Variants in JAK2 observed in about 807,000 individuals in gnomAD.
JAK2 encodes the protein Janus kinase 2.
Under a neutral mutation model 139.3 loss-of-function variants are expected in JAK2, and 86 were observed. That is an observed-to-expected ratio of 0.62 (90% CI 0.52 to 0.74). The LOEUF (loss-of-function observed/expected upper bound fraction) is 0.74. JAK2 is among the 30% of genes least tolerant of loss of function. The pLI, the probability that JAK2 is intolerant of heterozygous loss-of-function variation, is 0.00. For missense variants in JAK2, 1,421 were observed against 1,360.3 expected, an observed-to-expected ratio of 1.04 and a Z score of -0.70; for synonymous variants, 490 against 437.7, an observed-to-expected ratio of 1.12 and a Z score of -1.49.
At chr9:5,073,645 T>C in intron 13 of JAK2, 53 bp from the exon 14 acceptor site, 2 of 1,318,176 alleles carry the variant, frequency 1.5e-6, no homozygotes, top group Non-Finnish European at 2.2e-6. Context: ...TTTTCTGAAC[T>C]ATTTATGGAC....
chr9:5,119,443 T>C (rs1046691461), intron 22 of JAK2, among the ~76,000 whole-genome samples: 6 of 152,006 alleles, frequency 3.9e-5, no homozygotes, highest in African/African-American at 1.4e-4. Flanking sequence ...AAAAAAAGGC[T>C]TCAAATTATA....
At chr9:5,126,649 G>A (rs758859180) in intron 24 of JAK2, 35 bp from the exon 25 acceptor site, 1 of 1,431,616 alleles carries the variant, frequency 7.0e-7, no homozygotes, top group South Asian at 1.2e-5. Flanking sequence ...GGCCCTTAGT[G>A]TTCATTTAAT....
intron 2 of JAK2, among the ~76,000 whole-genome samples, chr9:4,989,762 A>G (rs1276511297): frequency 1.3e-5 from 2 of 152,178 alleles, no homozygotes; most frequent in African/African-American, 4.8e-5. Context: ...AAATATGTAT[A>G]TATGTATGAT....
chr9:5,060,661 T>C (rs1818105152), intron 8 of JAK2, among the ~76,000 whole-genome samples: 1 of 152,328 alleles, frequency 6.6e-6, no homozygotes. Flanking sequence ...ACTTCCTCCA[T>C]TGAAGTCGTG....
In JAK2 at chr9:5,053,739, G is replaced by A. The variant is rs144692134; in HGVS notation, c.615-824G>A. Among the ~76,000 whole-genome samples the A allele has an allele frequency of 5.5e-4, 83 of 151,952 alleles. 2 individuals are homozygous for A. The East Asian group carries it at 0.011, about 19-fold the overall frequency. Reference sequence around the variant, plus strand: ...GATTAAGAGATTTTACATTTTATACGGGACGGACATTAATTTAGCAAGTCC... The same window carrying A: ...GATTAAGAGATTTTACATTTTATACAGGACGGACATTAATTTAGCAAGTCC... On this transcript the variant is annotated intron_variant, in intron 6 of 24. Coordinates refer to ENST00000381652, the MANE Select transcript of JAK2 (RefSeq NM_004972.4).
intron 5 of JAK2, 120 bp downstream of exon 5, chr9:5,044,640 A>C: frequency 1.8e-6 from 1 of 556,688 alleles, no homozygotes; most frequent in Non-Finnish European, 3.1e-6. Context: ...CTTGCACAGC[A>C]GGTGCAGAGA....
At chr9:4,996,486 A>G (rs1820568806) in intron 2 of JAK2, among the ~76,000 whole-genome samples, 1 of 152,024 alleles carries the variant, frequency 6.6e-6, no homozygotes, top group Non-Finnish European at 1.5e-5. Flanking sequence ...ATAAATACAT[A>G]AATAGAAGTA....
At chr9:5,093,740 A>G (rs932142147) in intron 22 of JAK2, among the ~76,000 whole-genome samples, 2 of 152,194 alleles carry the variant, frequency 1.3e-5, no homozygotes, top group Non-Finnish European at 2.9e-5. Flanking sequence ...TAGGGATAAC[A>G]GTGCAATCCT....
chr9:5,055,748 G>C lies in JAK2; in HGVS notation c.1016G>C (p.Ser339Thr), dbSNP rs1306690752. The C allele has an allele frequency of 3.1e-6, 5 of 1,610,790 alleles. No individual in the cohort carries two copies. The highest frequency in any genetic ancestry group is 4.2e-6 in the Non-Finnish European group (5 of 1,177,818). Residue 339 changes from serine (S) to threonine (T), a missense_variant, in exon 8 of 25, where the codon AGC becomes ACC. Ser to Thr is a moderately conservative substitution (Grantham distance 58). Transcript: ENST00000381652. ...GCAAACCAAGAGGGTTCAAATGAAAGCCGAGTTGTAACTATCCATAAGCAA... is the reference window on the plus strand; with the variant it reads ...GCAAACCAAGAGGGTTCAAATGAAACCCGAGTTGTAACTATCCATAAGCAA... ...KQANQEGSNE[S>T]RVVTIHKQDG...
intron 22 of JAK2, among the ~76,000 whole-genome samples, chr9:5,095,903 C>G (rs1465625271): frequency 6.6e-6 from 1 of 152,170 alleles, no homozygotes; most frequent in African/African-American, 2.4e-5. Flanking sequence ...AGCACTACAA[C>G]CCTGTCACTG....
chr9:5,110,861 G>C, intron 22 of JAK2: 1 of 489,992 alleles, frequency 2.0e-6, no homozygotes, highest in Non-Finnish European at 3.9e-6. Context: ...GCTTCATGCC[G>C]CCGCGCCCAG....
At chr9:5,042,591 CAGGGCTGA>C (rs1816673993) in intron 4 of JAK2, among the ~76,000 whole-genome samples, 1 of 152,154 alleles carries the variant, frequency 6.6e-6, no homozygotes, top group African/African-American at 2.4e-5. Flanking sequence ...TGGAGGCCCC[CAGGGCTGA>C]GGCCCAGCCA....
At chr9:5,018,568 G>T (rs543883135) in intron 2 of JAK2, among the ~76,000 whole-genome samples, 1 of 152,096 alleles carries the variant, frequency 6.6e-6, no homozygotes, top group South Asian at 2.1e-4. Context: ...TGAACTCCTG[G>T]GCTCAAGCAG....
intron 22 of JAK2, among the ~76,000 whole-genome samples, chr9:5,101,818 TAGAA>T (rs1821513468): frequency 2.0e-5 from 3 of 152,228 alleles, no homozygotes; most frequent in East Asian, 3.9e-4. Flanking sequence ...ACCTGACTGT[TAGAA>T]AGAAAACTAA....
intron 22 of JAK2, among the ~76,000 whole-genome samples, chr9:5,106,257 C>G (rs1187496701): frequency 6.6e-6 from 1 of 152,206 alleles, no homozygotes; most frequent in Non-Finnish European, 1.5e-5. Context: ...AGACACTTCT[C>G]AAAAGAAGGC....
At chr9:4,984,533 A>T (rs1290221497), upstream of JAK2, 2 of 152,294 alleles carry the variant, frequency 1.3e-5, no homozygotes, top group Non-Finnish European at 2.9e-5. Context: ...GGCTGATGGG[A>T]GTCAGGCTCT....
At position 5,127,886 on chromosome 9, in the gene JAK2, G is replaced by GTAAA. The variant is rs1824100868; in HGVS notation, c.*1099_*1102dup. ...ATTTCCTTTTTAGAGGGGAAATGAG[G>GTAAA]TAAATAAGTAAAAAAGTATGCTTGT... On this transcript the variant is annotated 3_prime_UTR_variant, in exon 25 of 25. Coordinates refer to ENST00000381652, the MANE Select transcript of JAK2 (RefSeq NM_004972.4). The GTAAA allele has an allele frequency of 4.3e-6, 1 of 232,316 alleles. No homozygotes were observed. The highest frequency in any genetic ancestry group is 6.0e-5 in the East Asian group (1 of 16,580). 14.4% of individuals were successfully genotyped at this position (232,316 alleles called of 1,614,324 possible).
At chr9:5,082,264 G>C (rs190968468) in intron 19 of JAK2, among the ~76,000 whole-genome samples, 8 of 152,234 alleles carry the variant, frequency 5.3e-5, no homozygotes, top group Non-Finnish European at 1.2e-4. Context: ...AGAGCAGGGT[G>C]ATAGTGGGGA....
At chr9:4,993,905 A>G (rs955768463) in intron 2 of JAK2, among the ~76,000 whole-genome samples, 6 of 152,114 alleles carry the variant, frequency 3.9e-5, no homozygotes, top group Admixed American at 2.0e-4. Flanking sequence ...CCAAAGATGC[A>G]TATGTTAGTG....
Sources: gnomAD v4.1 joint callset for allele counts (sites outside exome capture counted in the v4.1 genomes callset) on GRCh38, gnomAD v4.1.1 for gene constraint, MANE v1.5 for transcripts, NCBI Gene and HGNC (gene_info 2026-07-23, HGNC 2026-07-21) for gene names.